Variants in DCK observed in about 807,000 individuals in gnomAD.
DCK encodes deoxycytidine kinase, also known as deoxyadenosine kinase.
In DCK, 23 loss-of-function variants were observed where a neutral mutation model predicts 38.3. The observed-to-expected ratio is 0.60, with a 90% CI of 0.43 to 0.85. The LOEUF (loss-of-function observed/expected upper bound fraction) is 0.85, where lower values mean the gene tolerates loss of function less well. Among genes scored for constraint, DCK ranks in the 40% least tolerant of loss-of-function variants. DCK has a pLI of 0.00. For synonymous variants in DCK, 108 were observed against 100.6 expected (o/e 1.07, Z -0.44); for missense variants, 259 against 304.4 (o/e 0.85, Z 1.11).
intron 2 of DCK, among the ~76,000 whole-genome samples, chr4:71,021,061 T>C (rs111971802): frequency 1.1e-3 from 147 of 136,002 alleles, no homozygotes; most frequent in African/African-American, 3.6e-3. Flanking sequence ...TTCCAGATGC[T>C]ATTTCTTTTT....
chr4:71,026,049 A>G (rs1214448782), intron 5 of DCK, 118 bp downstream of exon 5: 25 of 1,226,584 alleles, frequency 2.0e-5, no homozygotes, highest in African/African-American at 3.1e-5. Context: ...CGTTTTGCTT[A>G]TTGGTATCTT....
At chr4:71,023,380 C>G (rs1221283633) in intron 3 of DCK, among the ~76,000 whole-genome samples, 179 bp from the exon 4 acceptor site, 1 of 152,184 alleles carries the variant, frequency 6.6e-6, no homozygotes, top group Non-Finnish European at 1.5e-5. Flanking sequence ...GGGGTCCTCA[C>G]TCCGTATTTT....
intron 4 of DCK, among the ~76,000 whole-genome samples, chr4:71,024,748 T>C (rs1740508137): frequency 6.6e-6 from 1 of 152,060 alleles, no homozygotes; most frequent in Non-Finnish European, 1.5e-5. Flanking sequence ...AAATAGTAAA[T>C]AAAAATGTGA....
intron 2 of DCK, among the ~76,000 whole-genome samples, chr4:71,012,201 C>G (rs140629346): frequency 6.6e-6 from 1 of 152,106 alleles, no homozygotes; most frequent in Non-Finnish European, 1.5e-5. Flanking sequence ...AACTGCAAGG[C>G]GGCAGTGAGG....
chr4:71,007,486 C>T (rs1445573557), intron 2 of DCK, among the ~76,000 whole-genome samples: 1 of 152,146 alleles, frequency 6.6e-6, no homozygotes, highest in Non-Finnish European at 1.5e-5. Flanking sequence ...GGTAATTACT[C>T]CCATTCTTTT....
intron 2 of DCK, among the ~76,000 whole-genome samples, chr4:71,010,297 C>G (rs902384438): frequency 4.0e-5 from 6 of 151,384 alleles, no homozygotes; most frequent in Non-Finnish European, 7.4e-5. Context: ...TTCTCCAAAT[C>G]TCTCTTGGTG....
At chr4:71,009,189 G>A (rs1008344703) in intron 2 of DCK, among the ~76,000 whole-genome samples, 6 of 152,126 alleles carry the variant, frequency 3.9e-5, no homozygotes, top group Admixed American at 3.3e-4. Context: ...TCAAGGATTC[G>A]GGTGCTTTTT....
At chr4:71,026,043 T>C (rs1740540363) in intron 5 of DCK, 112 bp downstream of exon 5, 2 of 1,278,584 alleles carry the variant, frequency 1.6e-6, no homozygotes, top group African/African-American at 1.5e-5. Context: ...TCCAGTCGTT[T>C]TGCTTATTGG....
chr4:71,010,214 A>G (rs1451996902), intron 2 of DCK, among the ~76,000 whole-genome samples: 7 of 141,212 alleles, frequency 5.0e-5, no homozygotes, highest in African/African-American at 1.4e-4. Context: ...AAATGTTGCT[A>G]TACTATTGAT....
chr4:71,009,378 T>C (rs1740031891), intron 2 of DCK, among the ~76,000 whole-genome samples: 1 of 152,224 alleles, frequency 6.6e-6, no homozygotes. Flanking sequence ...GGTTGTCTGT[T>C]GAGCTTGGAA....
At chr4:71,001,906 C>A (rs1301748667) in intron 2 of DCK, among the ~76,000 whole-genome samples, 1 of 152,120 alleles carries the variant, frequency 6.6e-6, no homozygotes, top group African/African-American at 2.4e-5. Context: ...TTTTGTTAAT[C>A]TTTTCGAAGA....
At position 71,026,647 on chromosome 4, in the gene DCK, ATC is replaced by A; in HGVS notation, c.666-12_666-11del. On this transcript the variant is annotated splice_polypyrimidine_tract_variant and intron_variant, in intron 5 of 6. Transcript: ENST00000286648. ...TGTTGAATTTCTGATTATTTTATTA[ATC>A]TCTCTTTTTAAACAGAACCAACTTC... is the stretch of plus-strand genomic sequence containing the variant. 3 of 1,174,100 alleles carry A rather than the reference ATC, an allele frequency of 2.6e-6. No individual in the cohort carries two copies. Among genetic ancestry groups the A allele is most frequent in the Non-Finnish European group, 3.8e-6 (3 of 795,710 alleles). The allele number at this position is 1,174,100 out of a possible 1,614,324, so 72.7% of individuals were successfully genotyped here. A position where few individuals can be genotyped will look rare whatever the true frequency, so the allele number is the denominator to read the frequency against.
chr4:71,016,660 C>T (rs1343911902), intron 2 of DCK, among the ~76,000 whole-genome samples: 1 of 152,018 alleles, frequency 6.6e-6, no homozygotes, highest in Non-Finnish European at 1.5e-5. Context: ...CTTTGACAAA[C>T]CTGAGAAAAA....
chr4:71,024,533 T>C (rs747436556), intron 4 of DCK, among the ~76,000 whole-genome samples: 1 of 152,106 alleles, frequency 6.6e-6, no homozygotes, highest in African/African-American at 2.4e-5. Context: ...ATGTTATGAC[T>C]TCTGGCCTAA....
At chr4:71,014,103 G>A (rs1449206330) in intron 2 of DCK, among the ~76,000 whole-genome samples, 1 of 152,220 alleles carries the variant, frequency 6.6e-6, no homozygotes, top group African/African-American at 2.4e-5. Flanking sequence ...ACAAAAAAAA[G>A]GCAGGTGTTG....
intron 2 of DCK, among the ~76,000 whole-genome samples, chr4:71,000,742 T>C (rs1739781663): frequency 6.6e-6 from 1 of 152,206 alleles, no homozygotes; most frequent in African/African-American, 2.4e-5. Flanking sequence ...TTCACATCCG[T>C]TGTAAGTTGT....
intron 1 of DCK, among the ~76,000 whole-genome samples, 166 bp from the exon 2 acceptor site, chr4:70,997,901 C>G (rs1018114133): frequency 6.6e-6 from 1 of 152,088 alleles, no homozygotes; most frequent in Non-Finnish European, 1.5e-5. Context: ...GGGCAGGGAG[C>G]CTTTTCATTT....
intron 2 of DCK, among the ~76,000 whole-genome samples, chr4:71,003,625 A>G (rs752441218): frequency 6.6e-6 from 1 of 152,180 alleles, no homozygotes. Flanking sequence ...ACATAGTCCC[A>G]TATTTCTTGG....
chr4:71,004,242 T>A (rs770338075), intron 2 of DCK, among the ~76,000 whole-genome samples: 8 of 152,222 alleles, frequency 5.3e-5, no homozygotes, highest in Non-Finnish European at 8.8e-5. Context: ...TGGAGTTTGC[T>A]GGAGGTCCAC....
Sources: gnomAD v4.1 joint callset for allele counts (sites outside exome capture counted in the v4.1 genomes callset) on GRCh38, gnomAD v4.1.1 for gene constraint, MANE v1.5 for transcripts, NCBI Gene and HGNC (gene_info 2026-07-23, HGNC 2026-07-21) for gene names.